VPS13B: variants seen among roughly 807,000 people sequenced by gnomAD.
The protein encoded by VPS13B is intermembrane lipid transfer protein VPS13B.
Under a neutral mutation model 426.4 loss-of-function variants are expected in VPS13B, and 285 were observed. The observed-to-expected ratio is 0.67, with a 90% CI of 0.61 to 0.74. VPS13B has a LOEUF of 0.74. Ranked by LOEUF, VPS13B falls within the 30% of genes least tolerant of loss-of-function variation. The pLI is 0.00. For synonymous variants in VPS13B, 1,676 were observed against 1,676.4 expected (o/e 1.00, Z 0.01); for missense variants, 4,537 against 4,782.6 (o/e 0.95, Z 1.51).
At chr8:99,153,680 G>A (rs1178011570) in intron 14 of VPS13B, among the ~76,000 whole-genome samples, 2 of 151,878 alleles carry the variant, frequency 1.3e-5, no homozygotes, top group East Asian at 1.9e-4. Flanking sequence ...ACAATCATAC[G>A]TAATTACTTA....
rs141928158 is a variant in VPS13B, at chr8:99,566,887, T to C, written c.4950-8771T>C. Among the ~76,000 whole-genome samples, 55 of 152,358 alleles carry C rather than the reference T, an allele frequency of 3.6e-4. 2 individuals carry two copies. The East Asian group carries it at 0.01, about 28-fold the overall frequency. ...GCACTATAACTGGTACAACAGTACA[T>C]ACTATTGAAGTTTACTGGTTTATTT... On this transcript the variant is annotated intron_variant, in intron 31 of 61. Coordinates refer to ENST00000357162, the MANE Select transcript of VPS13B (RefSeq NM_152564.5).
intron 25 of VPS13B, among the ~76,000 whole-genome samples, chr8:99,482,202 T>C (rs1207944561): frequency 6.6e-6 from 1 of 152,074 alleles, no homozygotes; most frequent in Admixed American, 6.5e-5. Context: ...GATTAGTGGT[T>C]TTCAACCCTA....
chr8:99,226,137 G>T (rs933001562), intron 17 of VPS13B, among the ~76,000 whole-genome samples: 1 of 151,946 alleles, frequency 6.6e-6, no homozygotes, highest in Non-Finnish European at 1.5e-5. Flanking sequence ...GTAGAGATGG[G>T]GTTTCACTGT....
At chr8:99,112,704 T>C (rs1379541968) in intron 6 of VPS13B, among the ~76,000 whole-genome samples, 3 of 152,164 alleles carry the variant, frequency 2.0e-5, no homozygotes, top group African/African-American at 4.8e-5. Context: ...TGAAGATACA[T>C]TGAAAGCAAG....
intron 39 of VPS13B, among the ~76,000 whole-genome samples, chr8:99,754,416 A>G (rs1233423192): frequency 1.3e-5 from 2 of 152,210 alleles, no homozygotes; most frequent in Non-Finnish European, 2.9e-5. Context: ...ATTGTAAGAA[A>G]TACTCTTTAT....
At chr8:99,445,526 T>C (rs1298092259) in intron 23 of VPS13B, among the ~76,000 whole-genome samples, 1 of 149,570 alleles carries the variant, frequency 6.7e-6, no homozygotes, top group Non-Finnish European at 1.5e-5. Context: ...TATACTTTTT[T>C]TAATAATTAT....
At chr8:99,357,734 C>T (rs896818996) in intron 19 of VPS13B, among the ~76,000 whole-genome samples, 1 of 152,032 alleles carries the variant, frequency 6.6e-6, no homozygotes, top group African/African-American at 2.4e-5. Flanking sequence ...TCTGTGTCTC[C>T]GTTTTCTCAT....
At chr8:99,391,375 G>GA (rs887943709) in intron 20 of VPS13B, among the ~76,000 whole-genome samples, 182 bp from the exon 21 acceptor site, 18 of 146,370 alleles carry the variant, frequency 1.2e-4, no homozygotes, top group African/African-American at 2.7e-4. Flanking sequence ...GAGAGAGAGA[G>GA]AAAAAAAAAA....
At chr8:99,269,163 A>G (rs6995348) in intron 17 of VPS13B, among the ~76,000 whole-genome samples, 4,475 of 152,296 alleles carry the variant, frequency 0.029, 97 homozygotes, top group Non-Finnish European at 0.045. Flanking sequence ...ATTTCTTTAT[A>G]GCAGCATGAG....
intron 25 of VPS13B, among the ~76,000 whole-genome samples, chr8:99,497,128 TC>T: frequency 8.2e-6 from 1 of 122,286 alleles, no homozygotes; most frequent in South Asian, 2.2e-4. Context: ...TTTATATATT[TC>T]ATATATAAAT....
chr8:99,118,539 C>T (rs921341707), intron 7 of VPS13B, among the ~76,000 whole-genome samples: 4 of 151,956 alleles, frequency 2.6e-5, no homozygotes, highest in African/African-American at 9.7e-5. Context: ...CTAGTCATTC[C>T]CCTTTCACCT....
intron 16 of VPS13B, among the ~76,000 whole-genome samples, chr8:99,192,133 G>A (rs937696142): frequency 4.6e-5 from 7 of 152,054 alleles, no homozygotes; most frequent in Non-Finnish European, 8.8e-5. Context: ...ATATTGAAAT[G>A]TTTTCTTACT....
intron 17 of VPS13B, among the ~76,000 whole-genome samples, chr8:99,265,917 T>C (rs565079358): frequency 6.6e-6 from 1 of 152,360 alleles, no homozygotes; most frequent in East Asian, 1.9e-4. Flanking sequence ...GCGGCCTATT[T>C]GGCTCTTGTC....
At chr8:99,459,235 C>T (rs1020075406) in intron 23 of VPS13B, among the ~76,000 whole-genome samples, 2 of 152,066 alleles carry the variant, frequency 1.3e-5, no homozygotes, top group African/African-American at 4.8e-5. Context: ...ATGCCAGTTA[C>T]GTTGAGTTGG....
At chr8:99,589,131 C>T (rs1355553635) in intron 33 of VPS13B, among the ~76,000 whole-genome samples, 1 of 151,732 alleles carries the variant, frequency 6.6e-6, no homozygotes, top group Non-Finnish European at 1.5e-5. Context: ...ACCAGCCTTG[C>T]ATCCCAGGGA....
At chr8:99,422,437 T>C (rs1004420938) in intron 21 of VPS13B, among the ~76,000 whole-genome samples, 5 of 152,154 alleles carry the variant, frequency 3.3e-5, no homozygotes, top group Non-Finnish European at 5.9e-5. Flanking sequence ...GATAGATTCA[T>C]TTTCAAATGG....
chr8:99,052,117 A>C (rs1843588636), intron 3 of VPS13B, among the ~76,000 whole-genome samples: 1 of 145,844 alleles, frequency 6.9e-6, no homozygotes, highest in African/African-American at 2.6e-5. Context: ...CCAGTTTTCA[A>C]AGGGAATGCT....
At chr8:99,434,653 A>G (rs1291351827) in intron 22 of VPS13B, among the ~76,000 whole-genome samples, 1 of 152,222 alleles carries the variant, frequency 6.6e-6, no homozygotes, top group South Asian at 2.1e-4. Context: ...ATAGGAGCCA[A>G]TAATCTTGAT....
chr8:99,494,714 T>G (rs1820797040), intron 25 of VPS13B, among the ~76,000 whole-genome samples: 1 of 152,098 alleles, frequency 6.6e-6, no homozygotes, highest in Non-Finnish European at 1.5e-5. Context: ...TGGTGAGGAC[T>G]TTAGTAGTTT....
Sources: allele counts gnomAD v4.1 joint callset (sites outside exome capture counted in the v4.1 genomes callset), GRCh38; gene constraint gnomAD v4.1.1; transcripts MANE v1.5; gene names NCBI Gene and HGNC (gene_info 2026-07-23, HGNC 2026-07-21).